The following CDCP1 variants were observed in gnomAD, a reference collection of about 807,000 sequenced individuals.
CDCP1 encodes CUB domain-containing protein 1.
CDCP1 carries 29 observed loss-of-function variants against 60.2 expected under a neutral mutation model. That is an observed-to-expected ratio of 0.48 (90% confidence interval 0.36 to 0.66). The LOEUF is 0.66. Among genes scored for constraint, CDCP1 ranks in the 30% least tolerant of loss-of-function variants. The probability of loss-of-function intolerance (pLI) is 0.00; values close to 1 mark genes in which losing one functional copy is unlikely to be tolerated. For synonymous variants in CDCP1, 387 were observed against 431.1 expected, an observed-to-expected ratio of 0.90 and a Z score of 1.27; for missense variants, 876 against 1,074.3, an observed-to-expected ratio of 0.82 and a Z score of 2.58.
intron 4 of CDCP1, among the ~76,000 whole-genome samples, chr3:45,098,944 G>T (rs1698446816): frequency 6.6e-6 from 1 of 151,718 alleles, no homozygotes; most frequent in South Asian, 2.1e-4. Flanking sequence ...AAAACATTAG[G>T]TACTTCCTCA....
intron 4 of CDCP1, among the ~76,000 whole-genome samples, chr3:45,103,974 C>A (rs758768205): frequency 1.3e-5 from 2 of 152,192 alleles, no homozygotes; most frequent in Non-Finnish European, 2.9e-5. Flanking sequence ...ATCTGCCAGA[C>A]AATTCTCCCA....
chr3:45,129,019 G>C (rs1435117843), intron 1 of CDCP1, among the ~76,000 whole-genome samples: 7 of 152,228 alleles, frequency 4.6e-5, no homozygotes, highest in Non-Finnish European at 8.8e-5. Context: ...GCCTGGCCAA[G>C]TTATTTATTT....
rs1160518271 is a variant in CDCP1 at position 45,083,248 on chromosome 3, T to A, written c.*2390A>T. The A allele has an allele frequency of 6.6e-6, 1 of 152,088 alleles. No individual in the cohort carries two copies. Among genetic ancestry groups the A allele is most frequent in the African/African-American group, 2.4e-5 (1 of 41,406 alleles). 9.4% of individuals were successfully genotyped at this position (152,088 alleles called of 1,614,324 possible). Reference sequence around the variant, plus strand: ...CTTTATGCAGGGTCAGCATCTCGGCTCACAAGGCCAAGGGTCACTGGGCAG... The same window carrying A: ...CTTTATGCAGGGTCAGCATCTCGGCACACAAGGCCAAGGGTCACTGGGCAG... On this transcript the variant is annotated 3_prime_UTR_variant, in exon 9 of 9. Transcript: ENST00000296129.
At chr3:45,144,761 A>G (rs1699351264) in intron 1 of CDCP1, among the ~76,000 whole-genome samples, 1 of 152,202 alleles carries the variant, frequency 6.6e-6, no homozygotes. Context: ...CTCAGCACAC[A>G]TATACACATA....
rs1698301614 is a variant in CDCP1 at position 45,091,875 on chromosome 3, C to T, written c.1628-337G>A. On this transcript the variant is annotated intron_variant, in intron 6 of 8. Coordinates refer to ENST00000296129, the MANE Select transcript of CDCP1 (RefSeq NM_022842.5). The surrounding 1 kb of genome is among the most constrained non-coding windows in gnomAD (Gnocchi z 4.8). ...GATCTCGGCTCACTGCAAACTGCAA[C>T]CTCCACCTCTCAGGTTCAAGCAATT... Among the ~76,000 whole-genome samples the T allele has an allele frequency of 6.6e-6, 1 of 152,218 alleles. No individual in the cohort carries two copies. Among genetic ancestry groups the T allele is most frequent in the Non-Finnish European group, 1.5e-5 (1 of 68,028 alleles).
At chr3:45,122,116 G>C (rs1475780662) in intron 1 of CDCP1, among the ~76,000 whole-genome samples, 1 of 151,046 alleles carries the variant, frequency 6.6e-6, no homozygotes, top group Admixed American at 6.6e-5. Context: ...CTTTTATAAT[G>C]ACAGTCAAAG....
In CDCP1 at chr3:45,085,314, T is replaced by A. The variant is rs1698169186; in HGVS notation, c.*324A>T. 1.1e-5 allele frequency: 3 copies of A among 280,022 alleles called. No individual in the cohort carries two copies. The South Asian group carries it at 1.7e-4, about 16-fold the overall frequency. 17.3% of individuals were successfully genotyped at this position (280,022 alleles called of 1,614,324 possible). A position where few individuals can be genotyped will look rare whatever the true frequency, so the allele number is the denominator to read the frequency against. On this transcript the variant is annotated 3_prime_UTR_variant, in exon 9 of 9. Transcript: ENST00000296129. This position sits in a 1 kb window ranked among gnomAD's most constrained non-coding sequence, Gnocchi z 4.2. ...GTCCTGAAGAGGGCAAGCCTCTGTT[T>A]AACACTCTGAATCCAGGGCTTGCTG...
At chr3:45,119,003 C>T (rs1347104974) in intron 1 of CDCP1, among the ~76,000 whole-genome samples, 1 of 152,172 alleles carries the variant, frequency 6.6e-6, no homozygotes, top group Non-Finnish European at 1.5e-5. Flanking sequence ...CACACAGAAA[C>T]CATCCATCAT....
intron 1 of CDCP1, among the ~76,000 whole-genome samples, chr3:45,136,778 G>C (rs1452721759): frequency 6.6e-6 from 1 of 152,126 alleles, no homozygotes; most frequent in Admixed American, 6.6e-5. Flanking sequence ...AATAGTAAGG[G>C]CTATATTCAT....
At chr3:45,131,894 G>A (rs1189110736) in intron 1 of CDCP1, among the ~76,000 whole-genome samples, 1 of 152,154 alleles carries the variant, frequency 6.6e-6, no homozygotes, top group African/African-American at 2.4e-5. Context: ...GCTGCGGGCA[G>A]GCCTGTGAGA....
chr3:45,089,517 C>T (rs988108497), intron 7 of CDCP1, among the ~76,000 whole-genome samples: 1 of 152,184 alleles, frequency 6.6e-6, no homozygotes, highest in African/African-American at 2.4e-5. Context: ...CCAGTGAGAA[C>T]CAAAGGCCAT....
intron 1 of CDCP1, among the ~76,000 whole-genome samples, chr3:45,135,048 G>C (rs13325791): frequency 6.6e-6 from 1 of 152,134 alleles, no homozygotes; most frequent in South Asian, 2.1e-4. Flanking sequence ...AGTCAACGAG[G>C]ACAGCCATTA....
Position 45,084,370 on chromosome 3 carries a change from C to A in CDCP1, c.*1268G>T, listed in dbSNP as rs151084432. ...ACCCCAAAGATGTTCTGGTCCTAAT[C>A]CCCACCTGTGGCTATGTTGTCTTGC... On this transcript the variant is annotated 3_prime_UTR_variant, in exon 9 of 9. Coordinates refer to ENST00000296129, the MANE Select transcript of CDCP1 (RefSeq NM_022842.5). 7.2e-5 allele frequency: 11 copies of A among 152,318 alleles called. No homozygotes were observed. Among genetic ancestry groups the A allele is most frequent in the African/African-American group, 2.4e-4 (10 of 41,546 alleles). 9.4% of individuals were successfully genotyped at this position (152,318 alleles called of 1,614,324 possible). A position where few individuals can be genotyped will look rare whatever the true frequency, so the allele number is the denominator to read the frequency against.
In CDCP1 at chr3:45,123,492, A is replaced by AG; in HGVS notation, c.83-4872dup. On this transcript the variant is annotated intron_variant, in intron 1 of 8. Coordinates refer to ENST00000296129, the MANE Select transcript of CDCP1 (RefSeq NM_022842.5). ...ATTATAGGCTCTTTTCTAGGGTCAC[A>AG]GCCAAGGACACATCACTCACATGGC... Among the ~76,000 whole-genome samples, 9 of 152,358 alleles carry AG rather than the reference A, an allele frequency of 5.9e-5. 2 individuals are homozygous for AG. Among genetic ancestry groups the AG allele is most frequent in the Admixed American group, 5.9e-4 (9 of 15,302 alleles).
intron 1 of CDCP1, among the ~76,000 whole-genome samples, chr3:45,132,845 A>C (rs1699121878): frequency 6.6e-6 from 1 of 152,228 alleles, no homozygotes; most frequent in Admixed American, 6.5e-5. Context: ...TGGTGGACAG[A>C]ATTCTAAGAT....
chr3:45,120,329 T>C (rs912676811), intron 1 of CDCP1, among the ~76,000 whole-genome samples: 3 of 152,232 alleles, frequency 2.0e-5, no homozygotes, highest in South Asian at 2.1e-4. Flanking sequence ...TTACATAGTA[T>C]GGAAATTGAT....
At chr3:45,133,427 C>T (rs190502139) in intron 1 of CDCP1, among the ~76,000 whole-genome samples, 63 of 135,968 alleles carry the variant, frequency 4.6e-4, no homozygotes, top group African/African-American at 1.7e-3. Flanking sequence ...AAAACCAATA[C>T]AGAACTCTTG....
At chr3:45,113,882 G>C (rs1417487943) in intron 2 of CDCP1, among the ~76,000 whole-genome samples, 1 of 152,190 alleles carries the variant, frequency 6.6e-6, no homozygotes, top group East Asian at 1.9e-4. Context: ...TTTATATCAA[G>C]CCACCTCTTT....
intron 4 of CDCP1, among the ~76,000 whole-genome samples, chr3:45,108,855 ATATATGCATG>A (rs1379704529): frequency 1.6e-5 from 1 of 61,780 alleles, no homozygotes; most frequent in African/African-American, 6.2e-5. Context: ...ATGTATACAT[ATATATGCATG>A]TATATATATA....
Sources: gnomAD v4.1 joint callset for allele counts (sites outside exome capture counted in the v4.1 genomes callset) on GRCh38, gnomAD v4.1.1 for gene constraint, Gnocchi (gnomAD v3.1) non-coding constraint, MANE v1.5 for transcripts, NCBI Gene and HGNC (gene_info 2026-07-23, HGNC 2026-07-21) for gene names.